The following PDE9A variants were observed in gnomAD, a reference collection of about 807,000 sequenced individuals.
PDE9A encodes the protein high affinity cGMP-specific 3',5'-cyclic phosphodiesterase 9A.
A neutral mutation model predicts 87.4 loss-of-function variants in PDE9A; 60 were observed. The ratio of observed to expected loss-of-function variants is 0.69; its 90% CI spans 0.56 to 0.85. The LOEUF (loss-of-function observed/expected upper bound fraction) is 0.85. Ranked by LOEUF, PDE9A falls within the 40% of genes least tolerant of loss-of-function variation. The probability of loss-of-function intolerance (pLI) is 0.00; values close to 1 mark genes in which losing one functional copy is unlikely to be tolerated. For synonymous variants in PDE9A, 272 were observed against 279.4 expected (o/e 0.97, Z 0.27); for missense variants, 665 against 779.0 (o/e 0.85, Z 1.74).
chr21:42,700,349 T>C (rs1277945133), intron 4 of PDE9A, among the ~76,000 whole-genome samples: 5 of 150,978 alleles, frequency 3.3e-5, no homozygotes, highest in Admixed American at 6.6e-5. Context: ...AACGTATATT[T>C]TTATATATTT....
chr21:42,673,699 C>CA (rs1168395153), intron 1 of PDE9A, among the ~76,000 whole-genome samples: 7 of 152,168 alleles, frequency 4.6e-5, no homozygotes, highest in Non-Finnish European at 5.9e-5. Context: ...GCTATAGGCT[C>CA]ACATTAGTGT....
At chr21:42,662,338 T>G (rs2057567020) in intron 1 of PDE9A, among the ~76,000 whole-genome samples, 1 of 151,980 alleles carries the variant, frequency 6.6e-6, no homozygotes, top group African/African-American at 2.4e-5. Flanking sequence ...CTTCCCAGGT[T>G]AGCTCCCATC....
intron 1 of PDE9A, among the ~76,000 whole-genome samples, chr21:42,654,395 G>A (rs1467241739): frequency 6.6e-6 from 1 of 152,164 alleles, no homozygotes; most frequent in Non-Finnish European, 1.5e-5. Flanking sequence ...CAGCGGGTCC[G>A]GCTCTCCCCT....
chr21:42,690,146 A>C (rs1048807998), intron 3 of PDE9A: 1 of 937,366 alleles, frequency 1.1e-6, no homozygotes, highest in African/African-American at 1.8e-5. Flanking sequence ...ATGGAGGTAG[A>C]CGCGGATGAG....
chr21:42,761,342 CAGAAGAGGGGG>C (rs999546070), intron 13 of PDE9A, among the ~76,000 whole-genome samples: 4 of 152,226 alleles, frequency 2.6e-5, no homozygotes, highest in Admixed American at 1.3e-4. Flanking sequence ...CAGAAGAGAG[CAGAAGAGGGGG>C]AGAAGAGGGA....
At chr21:42,720,268 C>T (rs1176619873) in intron 4 of PDE9A, among the ~76,000 whole-genome samples, 8 of 152,120 alleles carry the variant, frequency 5.3e-5, no homozygotes, top group African/African-American at 4.8e-5. Context: ...CCAAGGCGGG[C>T]GGATCACCTG....
chr21:42,753,903 G>A (rs577762849), intron 9 of PDE9A, 87 bp from the exon 10 acceptor site: 9 of 667,708 alleles, frequency 1.3e-5, no homozygotes, highest in South Asian at 9.2e-5. Flanking sequence ...GAAAGAGAAC[G>A]GGAGAAAGAG....
intron 1 of PDE9A, among the ~76,000 whole-genome samples, chr21:42,667,453 T>C (rs968849689): frequency 1.3e-4 from 20 of 151,422 alleles, no homozygotes; most frequent in African/African-American, 4.9e-4. Context: ...TGAAAAAGAG[T>C]TTTGAATAGA....
At chr21:42,658,892 G>A (rs1601856963) in intron 1 of PDE9A, among the ~76,000 whole-genome samples, 1 of 152,206 alleles carries the variant, frequency 6.6e-6, no homozygotes, top group African/African-American at 2.4e-5. Context: ...ATGAATGGAG[G>A]GGGTGGCGGT....
At chr21:42,674,337 A>G (rs1382019622) in intron 1 of PDE9A, among the ~76,000 whole-genome samples, 2 of 92,782 alleles carry the variant, frequency 2.2e-5, no homozygotes, top group Admixed American at 2.0e-4. Context: ...TTTTTTTGAG[A>G]CAGGGTCTCC....
chr21:42,672,867 C>T (rs977676402), intron 1 of PDE9A, among the ~76,000 whole-genome samples: 89 of 152,312 alleles, frequency 5.8e-4, no homozygotes, highest in African/African-American at 2.1e-3. Flanking sequence ...GCCTGCTGTG[C>T]GGTGGCATCC....
At chr21:42,743,482 A>T (rs2053521014) in intron 7 of PDE9A, among the ~76,000 whole-genome samples, 1 of 152,194 alleles carries the variant, frequency 6.6e-6, no homozygotes, top group Non-Finnish European at 1.5e-5. Flanking sequence ...CAGAGTTGAG[A>T]TTCAGGGAGT....
intron 1 of PDE9A, among the ~76,000 whole-genome samples, chr21:42,674,031 T>C (rs543164402): frequency 4.3e-4 from 65 of 152,322 alleles, no homozygotes; most frequent in African/African-American, 1.5e-3. Flanking sequence ...TTAGAGCAGA[T>C]GTACATATAG....
At position 42,732,137 on chromosome 21, in the gene PDE9A, C is replaced by T. The variant is rs772270101; in HGVS notation, c.497+13C>T. The T allele has an allele frequency of 2.9e-5, 46 of 1,612,196 alleles. 1 individual carries two copies. The highest frequency in any genetic ancestry group is 2.2e-4 in the Admixed American group (13 of 59,990). The stretch of plus-strand genomic sequence containing the variant: ...AGCAGTTCTCAAGGTACAGAGTCTT[C>T]TAAACTTACAACCAGCCAGAGATGG... On this transcript the variant is annotated intron_variant, in intron 6 of 19. Transcript: ENST00000291539.
intron 3 of PDE9A, chr21:42,697,432 A>G: frequency 3.7e-6 from 6 of 1,611,046 alleles, no homozygotes; most frequent in East Asian, 2.2e-5. Context: ...CTCATTCTCT[A>G]TACATCACTC....
intron 1 of PDE9A, among the ~76,000 whole-genome samples, chr21:42,662,358 C>G (rs544869124): frequency 2.6e-4 from 40 of 152,176 alleles, no homozygotes; most frequent in Admixed American, 5.2e-4. Context: ...CCACCCTCCC[C>G]CTACCTGTTT....
chr21:42,738,691 C>T (rs144204451), intron 7 of PDE9A, among the ~76,000 whole-genome samples: 3,011 of 152,140 alleles, frequency 0.02, 105 homozygotes, highest in African/African-American at 0.068. Flanking sequence ...TTTTTTGTTG[C>T]TGTTTTGTTT....
chr21:42,679,684 G>A (rs985389352), intron 1 of PDE9A, among the ~76,000 whole-genome samples: 28 of 152,094 alleles, frequency 1.8e-4, no homozygotes, highest in African/African-American at 6.3e-4. Flanking sequence ...GGGCCCAAGC[G>A]GAGACAGGAG....
chr21:42,661,761 A>G lies in PDE9A; in HGVS notation c.69+7878A>G, dbSNP rs1230853680. Among the ~76,000 whole-genome samples, 3 of 152,114 alleles carry G rather than the reference A, an allele frequency of 2.0e-5. No homozygotes were observed. In the South Asian group the frequency reaches 6.2e-4, roughly 31 times the overall value. ...GTTGCATCTTCTGAAAAACTTTGTG[A>G]GTTCCCGAAGGCCTCTCCACGTCTT... is the stretch of plus-strand genomic sequence containing the variant. On this transcript the variant is annotated intron_variant, in intron 1 of 19. Coordinates refer to ENST00000291539, the MANE Select transcript of PDE9A (RefSeq NM_002606.3).
Sources: allele counts gnomAD v4.1 joint callset (sites outside exome capture counted in the v4.1 genomes callset), GRCh38; gene constraint gnomAD v4.1.1; transcripts MANE v1.5; gene names NCBI Gene and HGNC (gene_info 2026-07-23, HGNC 2026-07-21).